The following WASHC5 variants were observed in gnomAD, a reference collection of about 807,000 sequenced individuals.
WASHC5 encodes WASH complex subunit strumpellin.
Under a neutral mutation model 150.4 loss-of-function variants are expected in WASHC5, and 101 were observed. The observed-to-expected ratio is 0.67, with a 90% CI of 0.57 to 0.79. The LOEUF (loss-of-function observed/expected upper bound fraction) is 0.79, where lower values mean the gene tolerates loss of function less well. WASHC5 is among the 30% of genes least tolerant of loss of function. WASHC5 has a pLI of 0.00. For synonymous variants in WASHC5, 467 were observed against 491.2 expected (o/e 0.95, Z 0.65); for missense variants, 1,195 against 1,396.3 (o/e 0.86, Z 2.30).
Position 125,061,156 on chromosome 8 carries a change from T to C in WASHC5, c.1447A>G (p.Ile483Val), listed in dbSNP as rs1352758782. The change falls in exon 12 of 29, where the codon ATA becomes GTA. Residue 483 changes from isoleucine to valine, a missense_variant. Ile to Val is a conservative substitution (Grantham distance 29). Coordinates refer to ENST00000318410, the MANE Select transcript of WASHC5 (RefSeq NM_014846.4). Reference protein sequence around the residue: ...QAWFREISKQILSLNYDDSTA... With the variant: ...QAWFREISKQVLSLNYDDSTA... ...GAATCATCATAATTTAAAGACAATA[T>C]TTGTTTTGAGATCTCTCTGAACCAA... 6.2e-6 allele frequency: 10 copies of C among 1,611,644 alleles called. No homozygotes were observed. In the Admixed American group the frequency reaches 1.7e-4, roughly 27 times the overall value.
intron 9 of WASHC5, among the ~76,000 whole-genome samples, chr8:125,072,247 C>T (rs936888161): frequency 2.7e-5 from 4 of 146,754 alleles, no homozygotes; most frequent in Non-Finnish European, 5.9e-5. Context: ...GCGGGGATTG[C>T]GGAAGTTGTA....
intron 7 of WASHC5, 144 bp downstream of exon 7, chr8:125,076,204 C>T (rs577752255): frequency 2.7e-6 from 2 of 730,502 alleles, no homozygotes; most frequent in African/African-American, 3.5e-5. Flanking sequence ...TTATAAAATT[C>T]TCAATACAGT....
chr8:125,058,874 T>TG (rs762765468), intron 14 of WASHC5, among the ~76,000 whole-genome samples: 120 of 152,286 alleles, frequency 7.9e-4, no homozygotes, highest in Middle Eastern at 3.4e-3. Flanking sequence ...AGAGGCTCAG[T>TG]AATTTTTTGA....
intron 20 of WASHC5, among the ~76,000 whole-genome samples, chr8:125,045,180 C>T (rs1280240058): frequency 6.6e-6 from 1 of 152,198 alleles, no homozygotes; most frequent in African/African-American, 2.4e-5. Flanking sequence ...CTTTTTCCTC[C>T]CAGTTCCTTA....
At chr8:125,029,029 AC>A (rs574337414) in intron 27 of WASHC5, among the ~76,000 whole-genome samples, 10,047 of 124,856 alleles carry the variant, frequency 0.08, 425 homozygotes, top group Middle Eastern at 0.27. Flanking sequence ...ATCCCTGCAC[AC>A]TTTTTTTTTT....
At chr8:125,031,759 T>TA (rs1369145509) in intron 27 of WASHC5, among the ~76,000 whole-genome samples, 2 of 152,134 alleles carry the variant, frequency 1.3e-5, no homozygotes, top group East Asian at 3.9e-4. Context: ...TGGCAGGAAT[T>TA]AAAGTTTTAT....
At chr8:125,046,151 T>C (rs1816060545) in intron 20 of WASHC5, among the ~76,000 whole-genome samples, 1 of 152,190 alleles carries the variant, frequency 6.6e-6, no homozygotes, top group African/African-American at 2.4e-5. Context: ...GCCTGGGTGG[T>C]CAGAGAACAA....
intron 1 of WASHC5, among the ~76,000 whole-genome samples, chr8:125,087,550 C>A (rs765172542): frequency 7.9e-5 from 12 of 151,860 alleles, no homozygotes; most frequent in Non-Finnish European, 1.6e-4. Flanking sequence ...GCAACAATAG[C>A]GAGACCTTGT....
intron 1 of WASHC5, among the ~76,000 whole-genome samples, chr8:125,085,930 C>T (rs1157571715): frequency 1.3e-5 from 2 of 152,140 alleles, no homozygotes; most frequent in African/African-American, 4.8e-5. Context: ...GGCCTGTGTG[C>T]CTTCCCCTGC....
chr8:125,077,494 G>A (rs1817100232), intron 6 of WASHC5, among the ~76,000 whole-genome samples: 1 of 152,186 alleles, frequency 6.6e-6, no homozygotes. Flanking sequence ...GGAGGTGCAG[G>A]ACAGAGAGTG....
In WASHC5 at chr8:125,088,618, G is replaced by T. The variant is rs1817497691; in HGVS notation, c.-125+2997C>A. 2.6e-5 allele frequency among the ~76,000 whole-genome samples: 4 copies of T among 151,976 alleles called. No homozygotes were observed. In the South Asian group the frequency reaches 8.3e-4, roughly 32 times the overall value. ...CCCATATGACAAGGAACTGAGGCTT[G>T]CCAAAAACCACCTGAGTGAACTTGA... On this transcript the variant is annotated intron_variant, in intron 1 of 28. Transcript: ENST00000318410.
Position 125,056,794 on chromosome 8 carries a change from G to A in WASHC5, c.1899C>T (p.Ser633=). ...VRKVLQIIPE[S]MFTSLLKIIK... is the part of the protein sequence containing the mutation. ...TGATCTTTAGAAGAGATGTAAACAT[G>A]CTTTCTGGGATGATCTGCAAAACCT... is the stretch of plus-strand genomic sequence containing the variant. The change falls in exon 16 of 29, where the codon AGC becomes AGT. Residue 633 remains serine, a synonymous_variant. Coordinates refer to ENST00000318410, the MANE Select transcript of WASHC5 (RefSeq NM_014846.4). 6.2e-7 allele frequency: 1 copy of A among 1,614,138 alleles called. No homozygotes were observed. Among genetic ancestry groups the A allele is most frequent in the Non-Finnish European group, 8.5e-7 (1 of 1,179,994 alleles).
intron 10 of WASHC5, among the ~76,000 whole-genome samples, chr8:125,065,619 C>A (rs1048956957): frequency 7.6e-6 from 1 of 130,742 alleles, no homozygotes; most frequent in Non-Finnish European, 1.6e-5. Context: ...TCTTTCATTC[C>A]TTTTTTTTTT....
chr8:125,042,001 TATCA>T (rs1815902978), intron 23 of WASHC5, among the ~76,000 whole-genome samples: 1 of 152,192 alleles, frequency 6.6e-6, no homozygotes, highest in Admixed American at 6.5e-5. Context: ...CTCTTGAAAA[TATCA>T]ATCTAGAACT....
At chr8:125,063,386 T>A in intron 11 of WASHC5, 136 bp downstream of exon 11, 2 of 974,436 alleles carry the variant, frequency 2.1e-6, no homozygotes, top group Non-Finnish European at 3.2e-6. Flanking sequence ...CAGATCTTTA[T>A]TAGCAACACT....
intron 1 of WASHC5, among the ~76,000 whole-genome samples, chr8:125,091,323 C>T (rs944435264): frequency 6.6e-6 from 1 of 152,140 alleles, no homozygotes; most frequent in East Asian, 1.9e-4. Flanking sequence ...AGAGAAATAA[C>T]GACGACATCC....
intron 18 of WASHC5, among the ~76,000 whole-genome samples, 170 bp from the exon 19 acceptor site, chr8:125,049,355 T>C (rs1410851607): frequency 6.6e-6 from 1 of 151,982 alleles, no homozygotes; most frequent in Non-Finnish European, 1.5e-5. Context: ...GGTCAGGAGT[T>C]CAAGACCAGC....
At position 125,073,324 on chromosome 8, in the gene WASHC5, C is replaced by T. The variant is rs751070296; in HGVS notation, c.979G>A (p.Ala327Thr). 1 of 1,612,940 alleles carries T rather than the reference C, an allele frequency of 6.2e-7. No individual in the cohort carries two copies. Among genetic ancestry groups the T allele is most frequent in the Admixed American group, 1.7e-5 (1 of 60,000 alleles). Residue 327 changes from alanine (A) to threonine (T), a missense_variant and splice_region_variant, in exon 9 of 29, where the codon GCA becomes ACA. Physicochemically the swap from Ala to Thr is moderately conservative, Grantham distance 58 (BLOSUM62 0). Around this residue, in one of 3 missense-constraint regions of WASHC5, gnomAD observed 997 missense variants for 1,168.1 expected, o/e 0.85. Coordinates refer to ENST00000318410, the MANE Select transcript of WASHC5 (RefSeq NM_014846.4). Reference sequence around the variant, plus strand: ...TCACTGACAGTAGCATATCTGCTTGCCTTGACAAATAAGAAACTTGAATTA... The same window carrying T: ...TCACTGACAGTAGCATATCTGCTTGTCTTGACAAATAAGAAACTTGAATTA... ...TLDLSNVREQASRYATVSERV... is the reference protein window; with the variant it reads ...TLDLSNVREQTSRYATVSERV...
chr8:125,060,485 C>CAA (rs58207257), intron 12 of WASHC5, among the ~76,000 whole-genome samples: 1 of 130,178 alleles, frequency 7.7e-6, no homozygotes. Flanking sequence ...GATTCCGTCT[C>CAA]AAAAAAAAAA....
Sources: gnomAD v4.1 joint callset for allele counts (sites outside exome capture counted in the v4.1 genomes callset) on GRCh38, gnomAD v4.1.1 for gene constraint, gnomAD v4.1.1 regional missense constraint, MANE v1.5 for transcripts, NCBI Gene and HGNC (gene_info 2026-07-23, HGNC 2026-07-21) for gene names.